The following MYO16 variants were observed in gnomAD, a reference collection of about 807,000 sequenced individuals.
The protein encoded by MYO16 is unconventional myosin-XVI.
A neutral mutation model predicts 205.3 loss-of-function variants in MYO16; 94 were observed. That is an observed-to-expected ratio of 0.46 (90% CI 0.39 to 0.54). The LOEUF is 0.54. Ranked by LOEUF, MYO16 falls within the 20% of genes least tolerant of loss-of-function variation. The pLI is 0.00. For missense variants in MYO16, 2,315 were observed against 2,387.5 expected, an observed-to-expected ratio of 0.97 and a Z score of 0.63; for synonymous variants, 988 against 954.0, an observed-to-expected ratio of 1.04 and a Z score of -0.66.
At chr13:109,154,301 G>A (rs1034887403) in intron 32 of MYO16, among the ~76,000 whole-genome samples, 4 of 152,206 alleles carry the variant, frequency 2.6e-5, no homozygotes, top group South Asian at 4.1e-4. Context: ...AGGTCCCCAC[G>A]TCCATCCCAC....
chr13:108,601,722 T>C (rs1186482243), intron 1 of MYO16, among the ~76,000 whole-genome samples: 1 of 152,048 alleles, frequency 6.6e-6, no homozygotes, highest in Non-Finnish European at 1.5e-5. Context: ...TCCTTCATAT[T>C]TCTAGTCCTT....
At chr13:108,673,722 AC>A (rs1882087881) in intron 2 of MYO16, among the ~76,000 whole-genome samples, 1 of 151,744 alleles carries the variant, frequency 6.6e-6, no homozygotes, top group African/African-American at 2.4e-5. Context: ...CATCGACCTC[AC>A]CCACTCTAAT....
In MYO16 at chr13:108,795,499, C is replaced by T. The variant is rs928219601; in HGVS notation, c.741+1859C>T. Reference sequence around the variant, plus strand: ...CTGGGATTACAGGTGTGAGTTACCGCGCCTGGCCAGCTTCTAAAATTTTTA... The same window carrying T: ...CTGGGATTACAGGTGTGAGTTACCGTGCCTGGCCAGCTTCTAAAATTTTTA... On this transcript the variant is annotated intron_variant, in intron 6 of 34. Coordinates refer to ENST00000457511, the MANE Select transcript of MYO16 (RefSeq NM_001198950.3). Among the ~76,000 whole-genome samples, 8 of 152,258 alleles carry T rather than the reference C, an allele frequency of 5.3e-5. No homozygotes were observed. The East Asian group carries it at 5.8e-4, about 11-fold the overall frequency.
intron 32 of MYO16, among the ~76,000 whole-genome samples, chr13:109,144,626 C>T (rs988876875): frequency 6.6e-6 from 1 of 152,106 alleles, no homozygotes; most frequent in Non-Finnish European, 1.5e-5. Flanking sequence ...TTTATTTTCA[C>T]CGTGAAATAG....
chr13:108,501,729 A>G, the MYO16 span, among the ~76,000 whole-genome samples: 2 of 152,234 alleles, frequency 1.3e-5, no homozygotes, highest in African/African-American at 2.4e-5. Context: ...TTGCACGTTT[A>G]AAGTATGGAG....
chr13:109,049,570 A>G (rs1413526670), intron 24 of MYO16, among the ~76,000 whole-genome samples: 11 of 130,424 alleles, frequency 8.4e-5, no homozygotes, highest in Non-Finnish European at 1.5e-4. Flanking sequence ...TAAATCTTTT[A>G]TTTTTCTTTT....
At chr13:108,778,625 T>C (rs1594286871) in intron 4 of MYO16, among the ~76,000 whole-genome samples, 1 of 136,014 alleles carries the variant, frequency 7.4e-6, no homozygotes, top group Admixed American at 7.7e-5. Context: ...TCTAAAAAAA[T>C]ATATATTTTT....
At chr13:108,903,463 C>A (rs1186087193) in intron 15 of MYO16, among the ~76,000 whole-genome samples, 1 of 152,122 alleles carries the variant, frequency 6.6e-6, no homozygotes, top group Non-Finnish European at 1.5e-5. Context: ...TGTATTGATG[C>A]TATTCCCAAA....
At chr13:109,191,809 A>G (rs949878088) in intron 34 of MYO16, among the ~76,000 whole-genome samples, 1 of 152,226 alleles carries the variant, frequency 6.6e-6, no homozygotes, top group African/African-American at 2.4e-5. Flanking sequence ...TGACTATATC[A>G]TATTACAACC....
intron 14 of MYO16, among the ~76,000 whole-genome samples, chr13:108,894,422 A>T (rs1041588086): frequency 6.6e-6 from 1 of 152,114 alleles, no homozygotes. Flanking sequence ...ATCTCAGTGG[A>T]GTATGGGAAG....
intron 4 of MYO16, among the ~76,000 whole-genome samples, chr13:108,766,459 G>A (rs1046005324): frequency 2.0e-5 from 3 of 152,188 alleles, no homozygotes; most frequent in African/African-American, 7.2e-5. Context: ...AAAAGAGATA[G>A]CAGTTCAATG....
chr13:108,564,552 C>T, the MYO16 span, among the ~76,000 whole-genome samples: 1 of 151,762 alleles, frequency 6.6e-6, no homozygotes, highest in South Asian at 2.1e-4. Context: ...GGTTATTTAT[C>T]TCTTGTCAGA....
intron 16 of MYO16, among the ~76,000 whole-genome samples, chr13:108,936,245 TAGAA>T (rs1882487025): frequency 6.6e-6 from 1 of 152,024 alleles, no homozygotes; most frequent in Non-Finnish European, 1.5e-5. Context: ...TAGAATGAAT[TAGAA>T]AGAAGTCCTT....
chr13:108,583,985 G>T, the MYO16 span, among the ~76,000 whole-genome samples: 13 of 152,174 alleles, frequency 8.5e-5, no homozygotes, highest in South Asian at 4.1e-4. Context: ...ACGGAGTCTC[G>T]CTCTGTCACC....
intron 2 of MYO16, among the ~76,000 whole-genome samples, chr13:108,705,978 C>T (rs1566561452): frequency 6.6e-6 from 1 of 152,096 alleles, no homozygotes; most frequent in African/African-American, 2.4e-5. Flanking sequence ...CAGCCTAACA[C>T]ACTCTATATG....
chr13:108,878,849 C>G (rs1199441902), intron 12 of MYO16, among the ~76,000 whole-genome samples: 1 of 152,244 alleles, frequency 6.6e-6, no homozygotes, highest in African/African-American at 2.4e-5. Context: ...GAGCCACACC[C>G]CGTCACACAT....
intron 16 of MYO16, among the ~76,000 whole-genome samples, chr13:108,953,276 A>C (rs1883223118): frequency 6.6e-6 from 1 of 152,156 alleles, no homozygotes; most frequent in Admixed American, 6.5e-5. Context: ...GATGATTAAA[A>C]TTTTTCAAAA....
chr13:108,580,245 T>A, the MYO16 span, among the ~76,000 whole-genome samples: 1 of 152,200 alleles, frequency 6.6e-6, no homozygotes, highest in Non-Finnish European at 1.5e-5. Flanking sequence ...AGGTCCAGTG[T>A]CTCTCTTTAC....
chr13:108,850,734 G>T (rs1877818512), intron 10 of MYO16, among the ~76,000 whole-genome samples: 1 of 152,284 alleles, frequency 6.6e-6, no homozygotes, highest in East Asian at 1.9e-4. Context: ...GATTATCAAA[G>T]CTTCCTTTCA....
Sources: allele counts gnomAD v4.1 joint callset (sites outside exome capture counted in the v4.1 genomes callset), GRCh38; gene constraint gnomAD v4.1.1; transcripts MANE v1.5; gene names NCBI Gene and HGNC (gene_info 2026-07-23, HGNC 2026-07-21).